Variants in BRINP3 observed in about 807,000 individuals in gnomAD.
BRINP3 encodes BMP/retinoic acid-inducible neural-specific protein 3.
Under a neutral mutation model 71.0 loss-of-function variants are expected in BRINP3, and 19 were observed. That is an observed-to-expected ratio of 0.27 (90% CI 0.19 to 0.39). The LOEUF is 0.39. Among genes scored for constraint, BRINP3 ranks in the 10% least tolerant of loss-of-function variants. BRINP3 has a pLI of 1.00. For synonymous variants in BRINP3, 380 were observed against 337.7 expected, an observed-to-expected ratio of 1.13 and a Z score of -1.37; for missense variants, 959 against 940.8, an observed-to-expected ratio of 1.02 and a Z score of -0.25.
rs770551066 is a variant in BRINP3 at position 190,264,918 on chromosome 1, C to A, written c.565G>T (p.Asp189Tyr). ...TGGTGAAGTCTCCGAAGGGTGCTGT[C>A]CCTGTCAATGAAATAAGAAGCGGCT... ...QLAASYFIDRDSTLRRLHHIQ... is the reference protein window; with the variant it reads ...QLAASYFIDRYSTLRRLHHIQ... Residue 189 changes from aspartate to tyrosine, a missense_variant, in exon 4 of 8, where the codon GAC becomes TAC. Coordinates refer to ENST00000367462, the MANE Select transcript of BRINP3 (RefSeq NM_199051.3). The A allele has an allele frequency of 4.3e-5, 70 of 1,613,738 alleles. No individual in the cohort carries two copies. The highest frequency in any genetic ancestry group is 1.6e-4 in the Middle Eastern group (1 of 6,084).
chr1:190,371,961 C>A (rs939186404), intron 2 of BRINP3, among the ~76,000 whole-genome samples: 2 of 152,168 alleles, frequency 1.3e-5, no homozygotes, highest in African/African-American at 4.8e-5. Context: ...TTCCTCATAA[C>A]CTCATCAATG....
At chr1:190,471,649 T>G (rs1162293355) in intron 1 of BRINP3, among the ~76,000 whole-genome samples, 2 of 151,466 alleles carry the variant, frequency 1.3e-5, no homozygotes, top group Non-Finnish European at 3.0e-5. Context: ...GAAGTTTGAC[T>G]GTCTAAAGTT....
chr1:190,305,424 A>T (rs1006466630), intron 2 of BRINP3, among the ~76,000 whole-genome samples: 1 of 151,860 alleles, frequency 6.6e-6, no homozygotes, highest in Admixed American at 6.6e-5. Context: ...TTCAGGCATA[A>T]AAAAACTCCT....
At chr1:190,427,354 A>G (rs1363120503) in intron 2 of BRINP3, among the ~76,000 whole-genome samples, 3 of 151,974 alleles carry the variant, frequency 2.0e-5, no homozygotes, top group Non-Finnish European at 4.4e-5. Context: ...AGTGAGTACT[A>G]AATATAGGCC....
chr1:190,275,948 GATAT>G (rs932002323), intron 3 of BRINP3, among the ~76,000 whole-genome samples: 26 of 148,490 alleles, frequency 1.8e-4, no homozygotes, highest in South Asian at 8.6e-4. Flanking sequence ...AGTGAAACAT[GATAT>G]ATATATATAT....
At chr1:190,388,181 G>T (rs561575415) in intron 2 of BRINP3, among the ~76,000 whole-genome samples, 19 of 151,910 alleles carry the variant, frequency 1.3e-4, no homozygotes, top group African/African-American at 4.3e-4. Flanking sequence ...AAACTGAATG[G>T]AAATTATGTT....
intron 2 of BRINP3, among the ~76,000 whole-genome samples, chr1:190,356,786 G>T (rs1452144223): frequency 6.6e-6 from 1 of 152,140 alleles, no homozygotes; most frequent in Non-Finnish European, 1.5e-5. Context: ...CATCTGTGGG[G>T]AACAATTACC....
At chr1:190,302,701 A>C (rs1664821801) in intron 2 of BRINP3, 1 of 151,872 alleles carries the variant, frequency 6.6e-6, no homozygotes, top group African/African-American at 2.4e-5. Flanking sequence ...TGTCTTCTGC[A>C]GGTTAGTTTT....
At chr1:190,385,703 C>T (rs1316322896) in intron 2 of BRINP3, among the ~76,000 whole-genome samples, 1 of 152,036 alleles carries the variant, frequency 6.6e-6, no homozygotes, top group Admixed American at 6.6e-5. Flanking sequence ...ACTAGAAATA[C>T]CATTTGACCC....
intron 4 of BRINP3, among the ~76,000 whole-genome samples, chr1:190,256,195 G>C (rs1349904005): frequency 6.6e-6 from 1 of 152,130 alleles, no homozygotes; most frequent in African/African-American, 2.4e-5. Flanking sequence ...CAACTCTGTG[G>C]TCAACTTTGG....
At chr1:190,310,516 AT>A (rs1169755132) in intron 2 of BRINP3, among the ~76,000 whole-genome samples, 2 of 151,782 alleles carry the variant, frequency 1.3e-5, no homozygotes, top group East Asian at 3.9e-4. Context: ...AAAAAATATG[AT>A]AGATTATGTA....
At chr1:190,143,046 TTAAAG>T (rs1377543232) in intron 7 of BRINP3, among the ~76,000 whole-genome samples, 2 of 152,134 alleles carry the variant, frequency 1.3e-5, no homozygotes, top group African/African-American at 2.4e-5. Flanking sequence ...ATTTCCTTCT[TTAAAG>T]TAAAGATGAT....
At chr1:190,249,070 T>A (rs552368867) in intron 4 of BRINP3, among the ~76,000 whole-genome samples, 1 of 151,836 alleles carries the variant, frequency 6.6e-6, no homozygotes, top group Non-Finnish European at 1.5e-5. Context: ...TATTTGCTCA[T>A]TTGGACTCCA....
intron 2 of BRINP3, among the ~76,000 whole-genome samples, chr1:190,380,510 T>C (rs72731128): frequency 0.064 from 9,778 of 152,094 alleles, 445 homozygotes; most frequent in East Asian, 0.11. Flanking sequence ...CCTCAGAAAA[T>C]AGTTGCATTT....
At chr1:190,281,464 A>G (rs952198451) in intron 3 of BRINP3, 96 bp downstream of exon 3, 1 of 1,144,014 alleles carries the variant, frequency 8.7e-7, no homozygotes, top group East Asian at 2.4e-5. Flanking sequence ...ATAACTATTC[A>G]TACTGTAGCT....
intron 6 of BRINP3, among the ~76,000 whole-genome samples, chr1:190,211,439 C>A (rs1164729708): frequency 6.6e-6 from 1 of 152,042 alleles, no homozygotes; most frequent in African/African-American, 2.4e-5. Flanking sequence ...CAATGACATT[C>A]TTAGAGACAC....
intron 2 of BRINP3, among the ~76,000 whole-genome samples, chr1:190,352,293 C>T (rs1265839403): frequency 6.6e-6 from 1 of 151,968 alleles, no homozygotes; most frequent in Admixed American, 6.6e-5. Context: ...AAACCTTAAT[C>T]TGTTTGGGTG....
At chr1:190,261,942 C>A (rs1661218782) in intron 4 of BRINP3, among the ~76,000 whole-genome samples, 1 of 152,150 alleles carries the variant, frequency 6.6e-6, no homozygotes, top group South Asian at 2.1e-4. Flanking sequence ...TTGGATCCAG[C>A]CTACTGAAGT....
chr1:190,240,329 T>G (rs992642002), intron 4 of BRINP3, among the ~76,000 whole-genome samples: 2 of 152,066 alleles, frequency 1.3e-5, no homozygotes, highest in African/African-American at 4.8e-5. Context: ...TTCAAATAAA[T>G]CATTATATTT....
Sources: gnomAD v4.1 joint callset for allele counts (sites outside exome capture counted in the v4.1 genomes callset) on GRCh38, gnomAD v4.1.1 for gene constraint, MANE v1.5 for transcripts, NCBI Gene and HGNC (gene_info 2026-07-23, HGNC 2026-07-21) for gene names.